Variants in CUL5 observed in about 807,000 individuals in gnomAD.
CUL5 encodes the protein cullin 5.
A neutral mutation model predicts 108.8 loss-of-function variants in CUL5; 26 were observed. The observed-to-expected ratio is 0.24, with a 90% CI of 0.18 to 0.33. The LOEUF is 0.33. Ranked by LOEUF, CUL5 falls within the 10% of genes least tolerant of loss-of-function variation. The pLI is 1.00. For synonymous variants in CUL5, 334 were observed against 298.0 expected, an observed-to-expected ratio of 1.12 and a Z score of -1.25; for missense variants, 524 against 909.2, an observed-to-expected ratio of 0.58 and a Z score of 5.45.
chr11:108,104,146 A>C, intron 18 of CUL5, 44 bp from the exon 19 acceptor site: 1 of 1,278,812 alleles, frequency 7.8e-7, no homozygotes, highest in Non-Finnish European at 1.1e-6. Flanking sequence ...TACTTAAAAT[A>C]ATTTCGTATA....
intron 3 of CUL5, among the ~76,000 whole-genome samples, chr11:108,047,907 C>T (rs565247250): frequency 6.6e-6 from 1 of 152,118 alleles, no homozygotes; most frequent in East Asian, 1.9e-4. Context: ...ATGTTCTTAA[C>T]AGATGTTAAA....
At chr11:108,063,559 TATA>T (rs1247147356) in intron 7 of CUL5, among the ~76,000 whole-genome samples, 3 of 150,560 alleles carry the variant, frequency 2.0e-5, no homozygotes, top group African/African-American at 4.9e-5. Context: ...AAACTTAAAG[TATA>T]ATAATAATAA....
intron 16 of CUL5, among the ~76,000 whole-genome samples, chr11:108,096,010 C>T (rs541569260): frequency 1.0e-4 from 15 of 150,738 alleles, no homozygotes; most frequent in Non-Finnish European, 2.1e-4. Context: ...GCAGGAGAAT[C>T]GCTTGAATTC....
At chr11:108,058,466 T>C (rs1591304917) in intron 7 of CUL5, among the ~76,000 whole-genome samples, 1 of 151,636 alleles carries the variant, frequency 6.6e-6, no homozygotes, top group African/African-American at 2.4e-5. Flanking sequence ...GCCAGGATGG[T>C]CTTGATCTCC....
chr11:108,018,414 C>T (rs928250392), intron 1 of CUL5, among the ~76,000 whole-genome samples: 4 of 152,132 alleles, frequency 2.6e-5, no homozygotes, highest in African/African-American at 9.7e-5. Context: ...TGCCTATAAT[C>T]CCAGCACTTT....
intron 8 of CUL5, 44 bp downstream of exon 8, chr11:108,070,233 G>C: frequency 7.1e-7 from 1 of 1,401,034 alleles, no homozygotes; most frequent in Non-Finnish European, 1.0e-6. Context: ...TTCTAAGAGG[G>C]TATCTTTGAA....
chr11:108,095,699 T>A lies in CUL5; in HGVS notation c.1905+8T>A. On this transcript the variant is annotated splice_region_variant and intron_variant, in intron 16 of 18. Coordinates refer to ENST00000393094, the MANE Select transcript of CUL5 (RefSeq NM_003478.6). ...CTTAGGAGGACTTTATGGGTTGGTTTATGTTTTTTTGTTTTTAAGACTGTA... is the reference window on the plus strand; with the variant it reads ...CTTAGGAGGACTTTATGGGTTGGTTAATGTTTTTTTGTTTTTAAGACTGTA... 6.2e-7 allele frequency: 1 copy of A among 1,606,150 alleles called. No homozygotes were observed. Among genetic ancestry groups the A allele is most frequent in the Non-Finnish European group, 8.5e-7 (1 of 1,177,686 alleles).
Position 108,089,546 on chromosome 11 carries a change from G to T in CUL5, c.1366G>T (p.Ala456Ser), listed in dbSNP as rs372963669. The T allele has an allele frequency of 1.9e-6, 3 of 1,560,396 alleles. No individual in the cohort carries two copies. Among genetic ancestry groups the T allele is most frequent in the African/African-American group, 1.4e-5 (1 of 71,742 alleles). The change falls in exon 13 of 19, where the codon GCT (alanine) becomes TCT (serine). Residue 456 changes from alanine to serine, a missense_variant. This residue lies in a region of CUL5 where 76 missense variants were observed against 168.3 expected (regional missense o/e 0.45). Coordinates refer to ENST00000393094, the MANE Select transcript of CUL5 (RefSeq NM_003478.6). ...NKDVFMRYHK[A>S]HLTRRLILDI... The stretch of plus-strand genomic sequence containing the variant: ...AGATGTTTTTATGAGGTATCATAAA[G>T]CTCATTTGACACGACGTCTTATATT...
At chr11:108,054,516 TATATA>T (rs1863323683) in intron 5 of CUL5, 126 bp from the exon 6 acceptor site, 1 of 605,030 alleles carries the variant, frequency 1.7e-6, no homozygotes, top group South Asian at 2.8e-5. Context: ...GATTTTGTCT[TATATA>T]ATTATATGTT....
intron 1 of CUL5, among the ~76,000 whole-genome samples, chr11:108,027,512 T>A (rs1415950569): frequency 6.6e-6 from 1 of 152,028 alleles, no homozygotes; most frequent in Non-Finnish European, 1.5e-5. Flanking sequence ...TGTCAAGTCA[T>A]CCACCCACCC....
At chr11:108,052,875 A>C (rs1863270580) in intron 5 of CUL5, 74 bp downstream of exon 5, 1 of 1,314,512 alleles carries the variant, frequency 7.6e-7, no homozygotes, top group Admixed American at 2.5e-5. Flanking sequence ...TAGCACAATC[A>C]AAGTTAAGTT....
Position 108,019,748 on chromosome 11 carries a change from G to C in CUL5, c.24+10376G>C, listed in dbSNP as rs370373171. Among the ~76,000 whole-genome samples the C allele has an allele frequency of 7.6e-4, 115 of 152,218 alleles. 1 individual carries two copies. The highest frequency in any genetic ancestry group is 2.6e-3 in the African/African-American group (107 of 41,548). The stretch of plus-strand genomic sequence containing the variant: ...AATTATTATCCTAATAATAATAAGT[G>C]ACTGTGTTACTGGTTTATGTATATC... On this transcript the variant is annotated intron_variant, in intron 1 of 18. Transcript: ENST00000393094.
intron 2 of CUL5, among the ~76,000 whole-genome samples, chr11:108,040,521 A>T (rs1862870153): frequency 6.7e-6 from 1 of 150,164 alleles, no homozygotes; most frequent in Non-Finnish European, 1.5e-5. Context: ...CTGAGGCACG[A>T]GAATTGCCTG....
rs781471862 is a variant in CUL5, at chr11:108,098,581, T to G, written c.2148+52T>G. 11 of 1,397,788 alleles carry G rather than the reference T, an allele frequency of 7.9e-6. No individual in the cohort carries two copies. In the South Asian group the frequency reaches 1.0e-4, roughly 13 times the overall value. The allele number at this position is 1,397,788 out of a possible 1,614,324, so 86.6% of individuals were successfully genotyped here. On this transcript the variant is annotated intron_variant, in intron 18 of 18. Transcript: ENST00000393094. The stretch of plus-strand genomic sequence containing the variant: ...AGTTTAAAAAAACTTTAGTTTTTTT[T>G]TTTTTTTTTTAAATTTTGAAATCTT...
chr11:108,027,008 T>A (rs1862467619), intron 1 of CUL5, among the ~76,000 whole-genome samples: 1 of 147,768 alleles, frequency 6.8e-6, no homozygotes, highest in South Asian at 2.1e-4. Context: ...AAAAAAAAAA[T>A]TATTATTTTT....
intron 4 of CUL5, among the ~76,000 whole-genome samples, chr11:108,051,331 C>G (rs987830125): frequency 6.6e-6 from 1 of 152,226 alleles, no homozygotes; most frequent in African/African-American, 2.4e-5. Context: ...TTAAGTGTAT[C>G]AATTCTGGGG....
intron 7 of CUL5, among the ~76,000 whole-genome samples, chr11:108,062,977 C>G (rs1030940448): frequency 2.0e-5 from 3 of 152,124 alleles, no homozygotes; most frequent in African/African-American, 7.2e-5. Context: ...TCCCAAGTAG[C>G]TGGGATTACA....
Position 108,104,432 on chromosome 11 carries a change from G to A in CUL5, c.*48G>A, listed in dbSNP as rs2135258050. The A allele has an allele frequency of 8.1e-7, 1 of 1,240,100 alleles. No homozygotes were observed. The highest frequency in any genetic ancestry group is 2.7e-5 in the East Asian group (1 of 36,984). The allele number at this position is 1,240,100 out of a possible 1,614,324, so 76.8% of individuals were successfully genotyped here. On this transcript the variant is annotated 3_prime_UTR_variant, in exon 19 of 19. Transcript: ENST00000393094. ...TTAGAACCCAAATTTTGGAGTGCTT[G>A]GGCAGAAAGTTGTAAAGTTTGTGCT...
At chr11:108,084,054 CCTT>C (rs1408145054) in intron 11 of CUL5, among the ~76,000 whole-genome samples, 1 of 152,122 alleles carries the variant, frequency 6.6e-6, no homozygotes, top group African/African-American at 2.4e-5. Context: ...CCAAGACAGT[CCTT>C]CTTCCAGTGT....
Sources: gnomAD v4.1 joint callset for allele counts (sites outside exome capture counted in the v4.1 genomes callset) on GRCh38, gnomAD v4.1.1 for gene constraint, gnomAD v4.1.1 regional missense constraint, MANE v1.5 for transcripts, NCBI Gene and HGNC (gene_info 2026-07-23, HGNC 2026-07-21) for gene names.